The following HDAC9 variants were observed in gnomAD, a reference collection of about 807,000 sequenced individuals.
HDAC9 encodes MEF-2 interacting transcription repressor (MITR) protein.
A neutral mutation model predicts 139.4 loss-of-function variants in HDAC9; 41 were observed. That is an observed-to-expected ratio of 0.29 (90% CI 0.23 to 0.38). The LOEUF (loss-of-function observed/expected upper bound fraction) is 0.38, where lower values mean the gene tolerates loss of function less well. Ranked by LOEUF, HDAC9 falls within the 10% of genes least tolerant of loss-of-function variation. The pLI is 1.00. For synonymous variants in HDAC9, 517 were observed against 476.2 expected, an observed-to-expected ratio of 1.09 and a Z score of -1.12; for missense variants, 1,147 against 1,297.0, an observed-to-expected ratio of 0.88 and a Z score of 1.78.
At chr7:18,641,917 G>T (rs1785731651) in intron 8 of HDAC9, among the ~76,000 whole-genome samples, 1 of 152,092 alleles carries the variant, frequency 6.6e-6, no homozygotes, top group South Asian at 2.1e-4. Flanking sequence ...GATAAACGTG[G>T]AACAGATAGA....
chr7:18,233,386 C>A (rs1411668604), intron 2 of HDAC9, among the ~76,000 whole-genome samples: 1 of 151,674 alleles, frequency 6.6e-6, no homozygotes, highest in East Asian at 2.0e-4. Flanking sequence ...TATGCCAAGG[C>A]GGTTTCAGTA....
intron 12 of HDAC9, among the ~76,000 whole-genome samples, chr7:18,677,584 A>G (rs1407644689): frequency 6.6e-6 from 1 of 151,916 alleles, no homozygotes; most frequent in Non-Finnish European, 1.5e-5. Flanking sequence ...ATTGTTTGAC[A>G]TTCTCATCAA....
intron 6 of HDAC9, among the ~76,000 whole-genome samples, chr7:18,596,988 C>T (rs990544218): frequency 6.6e-6 from 1 of 152,146 alleles, no homozygotes; most frequent in South Asian, 2.1e-4. Flanking sequence ...CTCTCTTGAC[C>T]TTTTAGGACC....
intron 17 of HDAC9, among the ~76,000 whole-genome samples, chr7:18,812,912 G>A (rs1276519006): frequency 6.6e-6 from 1 of 151,656 alleles, no homozygotes; most frequent in African/African-American, 2.4e-5. Context: ...GACCTCTGTT[G>A]TGTTCAACCT....
At chr7:18,183,502 T>A (rs905012119) in intron 2 of HDAC9, among the ~76,000 whole-genome samples, 1 of 152,194 alleles carries the variant, frequency 6.6e-6, no homozygotes, top group African/African-American at 2.4e-5. Context: ...TTTCAAATCC[T>A]TGGGGATCTT....
chr7:18,839,667 CA>C (rs1364085842), intron 21 of HDAC9, among the ~76,000 whole-genome samples: 1 of 152,044 alleles, frequency 6.6e-6, no homozygotes, highest in Non-Finnish European at 1.5e-5. Flanking sequence ...CTATGCTCTA[CA>C]AAGAACTCTG....
intron 2 of HDAC9, among the ~76,000 whole-genome samples, chr7:18,229,110 T>G (rs1367010549): frequency 6.6e-6 from 1 of 152,212 alleles, no homozygotes; most frequent in Non-Finnish European, 1.5e-5. Flanking sequence ...TAAACTTCAT[T>G]AATTCACAAT....
intron 1 of HDAC9, among the ~76,000 whole-genome samples, chr7:18,157,845 G>C (rs1055929648): frequency 6.9e-6 from 1 of 145,960 alleles, no homozygotes; most frequent in African/African-American, 2.5e-5. Flanking sequence ...GAGAGAGAGA[G>C]AGAGAGACTG....
At chr7:18,931,923 C>T (rs1381496013) in intron 22 of HDAC9, among the ~76,000 whole-genome samples, 1 of 152,054 alleles carries the variant, frequency 6.6e-6, no homozygotes, top group Non-Finnish European at 1.5e-5. Context: ...ATGGTGGATG[C>T]GTGACATTAT....
chr7:18,631,266 A>G (rs1481586491), intron 7 of HDAC9, among the ~76,000 whole-genome samples: 1 of 152,120 alleles, frequency 6.6e-6, no homozygotes, highest in Admixed American at 6.6e-5. Flanking sequence ...CACCTCAGGA[A>G]ACAATATGTA....
intron 1 of HDAC9, among the ~76,000 whole-genome samples, chr7:18,447,463 T>A (rs530990868): frequency 6.6e-5 from 10 of 152,322 alleles, no homozygotes; most frequent in Admixed American, 4.6e-4. Flanking sequence ...TATTATATTG[T>A]TGTGGAGCCA....
intron 1 of HDAC9, among the ~76,000 whole-genome samples, chr7:18,390,207 A>C (rs1405516860): frequency 6.6e-6 from 1 of 152,112 alleles, no homozygotes; most frequent in Non-Finnish European, 1.5e-5. Flanking sequence ...GAATATAGCT[A>C]GATTTAAAAG....
intron 1 of HDAC9, among the ~76,000 whole-genome samples, chr7:18,446,144 A>G (rs1222789858): frequency 6.6e-6 from 1 of 152,268 alleles, no homozygotes; most frequent in Admixed American, 6.5e-5. Context: ...TCAGTGGGAC[A>G]AACACTACCC....
intron 2 of HDAC9, among the ~76,000 whole-genome samples, chr7:18,205,600 T>A (rs1791446254): frequency 6.6e-6 from 1 of 152,114 alleles, no homozygotes; most frequent in Admixed American, 6.5e-5. Flanking sequence ...CTAATGAAAG[T>A]TTGATTATGA....
At chr7:18,157,486 G>T (rs1295162402) in intron 1 of HDAC9, among the ~76,000 whole-genome samples, 1 of 152,116 alleles carries the variant, frequency 6.6e-6, no homozygotes, top group Non-Finnish European at 1.5e-5. Context: ...TGGAGGCAGG[G>T]ATACCAGATA....
chr7:18,924,757 G>T (rs1485626293), intron 22 of HDAC9, among the ~76,000 whole-genome samples: 1 of 152,040 alleles, frequency 6.6e-6, no homozygotes, highest in Non-Finnish European at 1.5e-5. Context: ...TTAAAGACCA[G>T]ATAACTTATT....
intron 12 of HDAC9, among the ~76,000 whole-genome samples, chr7:18,688,342 T>C (rs1277302284): frequency 6.6e-6 from 1 of 151,858 alleles, no homozygotes; most frequent in African/African-American, 2.4e-5. Flanking sequence ...TCTAAACTTC[T>C]AAATGATGAA....
chr7:18,983,548 C>A (rs2129343351), intron 25 of HDAC9, among the ~76,000 whole-genome samples: 1 of 152,208 alleles, frequency 6.6e-6, no homozygotes, highest in South Asian at 2.1e-4. Context: ...AATTTTCATA[C>A]AAGTTTTCTT....
intron 1 of HDAC9, among the ~76,000 whole-genome samples, chr7:18,364,348 G>A (rs531948026): frequency 3.3e-5 from 5 of 151,888 alleles, no homozygotes; most frequent in Admixed American, 2.0e-4. Flanking sequence ...CTGCGGCACC[G>A]GCATATGATA....
Sources: gnomAD v4.1 joint callset for allele counts (sites outside exome capture counted in the v4.1 genomes callset) on GRCh38, gnomAD v4.1.1 for gene constraint, MANE v1.5 for transcripts, NCBI Gene and HGNC (gene_info 2026-07-23, HGNC 2026-07-21) for gene names.